The following HS3ST2 variants were observed in gnomAD, a reference collection of about 807,000 sequenced individuals.
HS3ST2 encodes the protein heparan sulfate glucosamine 3-O-sulfotransferase 2.
In HS3ST2, 17 loss-of-function variants were observed where a neutral mutation model predicts 26.3. The ratio of observed to expected loss-of-function variants is 0.65; its 90% CI spans 0.44 to 0.97. The LOEUF is 0.97. Ranked by LOEUF, HS3ST2 falls within the 50% of genes least tolerant of loss-of-function variation. HS3ST2 has a pLI of 0.00. For missense variants in HS3ST2, 402 were observed against 501.2 expected, an observed-to-expected ratio of 0.80 and a Z score of 1.89; for synonymous variants, 237 against 219.2, an observed-to-expected ratio of 1.08 and a Z score of -0.72.
chr16:22,850,070 A>AG (rs61563807), intron 1 of HS3ST2, among the ~76,000 whole-genome samples: 8,732 of 152,242 alleles, frequency 0.057, 328 homozygotes, highest in African/African-American at 0.1. Context: ...ATGAATAACA[A>AG]TTTTTTTAGT....
At chr16:22,870,266 A>T (rs980873760) in intron 1 of HS3ST2, among the ~76,000 whole-genome samples, 2 of 152,096 alleles carry the variant, frequency 1.3e-5, no homozygotes, top group Non-Finnish European at 2.9e-5. Flanking sequence ...GAAATGCCTA[A>T]TAACCTGTGG....
chr16:22,827,775 A>G (rs1901111551), intron 1 of HS3ST2, among the ~76,000 whole-genome samples: 1 of 149,110 alleles, frequency 6.7e-6, no homozygotes, highest in South Asian at 2.1e-4. Flanking sequence ...GCAGTGGCAC[A>G]ATCATGACTC....
chr16:22,865,714 C>G (rs1273535479), intron 1 of HS3ST2, among the ~76,000 whole-genome samples: 1 of 152,164 alleles, frequency 6.6e-6, no homozygotes, highest in African/African-American at 2.4e-5. Context: ...ACAACAAACT[C>G]TGAATACAGA....
chr16:22,912,467 G>A (rs901566311), intron 1 of HS3ST2, among the ~76,000 whole-genome samples: 4 of 152,196 alleles, frequency 2.6e-5, no homozygotes, highest in Admixed American at 6.5e-5. Flanking sequence ...AAATCATAGT[G>A]TTAGTGATGC....
intron 1 of HS3ST2, among the ~76,000 whole-genome samples, chr16:22,866,325 GCGCA>G (rs1000586618): frequency 1.8e-4 from 26 of 148,450 alleles, no homozygotes; most frequent in African/African-American, 6.1e-4. Flanking sequence ...GTGCGCGCGC[GCGCA>G]CACACACACA....
chr16:22,831,973 T>C (rs1010504795), intron 1 of HS3ST2, among the ~76,000 whole-genome samples: 1 of 152,026 alleles, frequency 6.6e-6, no homozygotes, highest in African/African-American at 2.4e-5. Flanking sequence ...TTTTAAAAGA[T>C]AACATTTTTT....
chr16:22,902,523 G>A (rs1188151554), intron 1 of HS3ST2, among the ~76,000 whole-genome samples: 15 of 152,158 alleles, frequency 9.9e-5, no homozygotes, highest in Admixed American at 9.2e-4. Flanking sequence ...ATGAACACCT[G>A]GCACATGAGT....
intron 1 of HS3ST2, among the ~76,000 whole-genome samples, chr16:22,890,991 T>C (rs987197969): frequency 5.3e-5 from 8 of 152,198 alleles, no homozygotes; most frequent in Admixed American, 5.2e-4. Flanking sequence ...ATTTAGCTAA[T>C]CCACATAGAG....
chr16:22,902,484 GCCT>G (rs1902292757), intron 1 of HS3ST2, among the ~76,000 whole-genome samples: 1 of 152,230 alleles, frequency 6.6e-6, no homozygotes, highest in African/African-American at 2.4e-5. Flanking sequence ...CTTGGGAGAT[GCCT>G]CCTCATGTCA....
intron 1 of HS3ST2, among the ~76,000 whole-genome samples, chr16:22,845,755 T>C (rs1901422575): frequency 6.6e-6 from 1 of 152,254 alleles, no homozygotes. Flanking sequence ...TGGCAACATT[T>C]GTTTAGCAAC....
At chr16:22,905,229 C>G (rs1274657181) in intron 1 of HS3ST2, among the ~76,000 whole-genome samples, 2 of 152,134 alleles carry the variant, frequency 1.3e-5, no homozygotes, top group African/African-American at 4.8e-5. Context: ...TGTGCCAGTT[C>G]TGTAAGTTTC....
chr16:22,827,745 T>C (rs1268773309), intron 1 of HS3ST2, among the ~76,000 whole-genome samples: 10 of 147,012 alleles, frequency 6.8e-5, no homozygotes, highest in Non-Finnish European at 1.3e-4. Flanking sequence ...AAGGTCTTGC[T>C]CTGTTGCCCA....
At chr16:22,900,166 G>C (rs937524610) in intron 1 of HS3ST2, among the ~76,000 whole-genome samples, 1 of 152,164 alleles carries the variant, frequency 6.6e-6, no homozygotes, top group African/African-American at 2.4e-5. Context: ...TTTCTATATG[G>C]GGGAAGGGGT....
chr16:22,848,878 G>A (rs948372421), intron 1 of HS3ST2, among the ~76,000 whole-genome samples: 3 of 152,190 alleles, frequency 2.0e-5, no homozygotes, highest in Non-Finnish European at 2.9e-5. Flanking sequence ...GAGGCCCTTA[G>A]ATTGTTTGCA....
At chr16:22,822,029 G>A (rs533336536) in intron 1 of HS3ST2, among the ~76,000 whole-genome samples, 1 of 152,246 alleles carries the variant, frequency 6.6e-6, no homozygotes, top group South Asian at 2.1e-4. Context: ...CTCCCCAAGT[G>A]AGAAAGCCAG....
intron 1 of HS3ST2, among the ~76,000 whole-genome samples, chr16:22,887,624 A>T (rs572826880): frequency 6.6e-6 from 1 of 152,208 alleles, no homozygotes; most frequent in African/African-American, 2.4e-5. Flanking sequence ...AGCAGACACG[A>T]TTGGTGCTTG....
chr16:22,814,262 G>A lies in HS3ST2; in HGVS notation c.-349G>A. 4.7e-6 allele frequency: 1 copy of A among 211,736 alleles called. No individual in the cohort carries two copies. The highest frequency in any genetic ancestry group is 9.3e-6 in the Non-Finnish European group (1 of 107,266). The allele number at this position is 211,736 out of a possible 1,614,324, so 13.1% of individuals were successfully genotyped here. On this transcript the variant is annotated 5_prime_UTR_variant, in exon 1 of 2. Transcript: ENST00000261374. The stretch of plus-strand genomic sequence containing the variant: ...GCCGCCGCCGAGCGTTTCGTGAGCG[G>A]CGCTCCGAGGATCAGGAATGGGGCT...
intron 1 of HS3ST2, among the ~76,000 whole-genome samples, chr16:22,895,070 C>CTTTTTTTTTTTTTTTT (rs55861016): frequency 3.0e-5 from 4 of 134,722 alleles, no homozygotes; most frequent in Non-Finnish European, 3.2e-5. Context: ...TTCTTTCTTT[C>CTTTTTTTTTTTTTTTT]TTTTTTTTTT....
chr16:22,852,567 C>T (rs1339108918), intron 1 of HS3ST2, among the ~76,000 whole-genome samples: 1 of 152,172 alleles, frequency 6.6e-6, no homozygotes, highest in African/African-American at 2.4e-5. Flanking sequence ...AAAGATTCCT[C>T]CCTCAAGCTT....
Sources: gnomAD v4.1 joint callset for allele counts (sites outside exome capture counted in the v4.1 genomes callset) on GRCh38, gnomAD v4.1.1 for gene constraint, MANE v1.5 for transcripts, NCBI Gene and HGNC (gene_info 2026-07-23, HGNC 2026-07-21) for gene names.